The following CEP89 variants were observed in gnomAD, a reference collection of about 807,000 sequenced individuals.
CEP89 encodes centrosomal protein of 89 kDa.
CEP89 carries 95 observed loss-of-function variants against 97.6 expected under a neutral mutation model. That is an observed-to-expected ratio of 0.97 (90% confidence interval 0.82 to 1.15). The LOEUF (loss-of-function observed/expected upper bound fraction) is 1.15, where lower values mean the gene tolerates loss of function less well. Ranked by LOEUF, CEP89 falls within the 50% of genes most tolerant of loss-of-function variation. The pLI is 0.00. For synonymous variants in CEP89, 354 were observed against 349.1 expected (o/e 1.01, Z -0.16); for missense variants, 869 against 947.7 (o/e 0.92, Z 1.09).
chr19:32,941,305 C>A (rs1970681527), intron 5 of CEP89, among the ~76,000 whole-genome samples: 1 of 151,808 alleles, frequency 6.6e-6, no homozygotes. Context: ...GAGTTCAAGA[C>A]TAGCCTGGCC....
chr19:32,895,650 T>C (rs10417115), intron 16 of CEP89, among the ~76,000 whole-genome samples: 9,981 of 151,654 alleles, frequency 0.066, 385 homozygotes, highest in South Asian at 0.15. Context: ...ATAAAAGTCA[T>C]CCAAATTAGA....
At chr19:32,971,419 C>T in intron 1 of CEP89, 1 of 445,568 alleles carries the variant, frequency 2.2e-6, no homozygotes, top group Admixed American at 3.8e-5. Context: ...TGGCTCACGC[C>T]TGTGATACCA....
At chr19:32,900,886 G>GTTTTTTTT (rs757470989) in intron 15 of CEP89, among the ~76,000 whole-genome samples, 1 of 117,782 alleles carries the variant, frequency 8.5e-6, no homozygotes, top group African/African-American at 3.3e-5. Flanking sequence ...TTCTTCATTT[G>GTTTTTTTT]TCTTTTTTTT....
At chr19:32,925,485 CT>C (rs67751450) in intron 11 of CEP89, among the ~76,000 whole-genome samples, 4,775 of 120,102 alleles carry the variant, frequency 0.04, 77 homozygotes, top group African/African-American at 0.058. Flanking sequence ...CCAAATAGCC[CT>C]TTTTTTTTTT....
intron 2 of CEP89, among the ~76,000 whole-genome samples, chr19:32,963,181 C>G (rs1270450353): frequency 6.6e-6 from 1 of 152,094 alleles, no homozygotes; most frequent in Non-Finnish European, 1.5e-5. Context: ...CATGGCAAAA[C>G]CACATCTCTA....
chr19:32,918,121 CT>C, intron 13 of CEP89, 102 bp downstream of exon 13: 1 of 887,494 alleles, frequency 1.1e-6, no homozygotes, highest in Admixed American at 2.1e-5. Flanking sequence ...CAAAACATGA[CT>C]TCTCTCATTT....
At chr19:32,913,228 ATCTC>A (rs992466874) in intron 14 of CEP89, among the ~76,000 whole-genome samples, 4 of 149,500 alleles carry the variant, frequency 2.7e-5, no homozygotes, top group Non-Finnish European at 5.9e-5. Flanking sequence ...TATATACCAT[ATCTC>A]TCTCTCTTAC....
At chr19:32,954,085 C>T (rs1024064996) in intron 3 of CEP89, among the ~76,000 whole-genome samples, 1 of 151,722 alleles carries the variant, frequency 6.6e-6, no homozygotes, top group Non-Finnish European at 1.5e-5. Flanking sequence ...CTGTTAGCCA[C>T]GGTGGTCTCG....
intron 11 of CEP89, among the ~76,000 whole-genome samples, chr19:32,923,880 C>T (rs1168993390): frequency 6.6e-6 from 1 of 152,104 alleles, no homozygotes; most frequent in Non-Finnish European, 1.5e-5. Context: ...GACATTTTTC[C>T]TTTGTTTGAA....
At chr19:32,957,151 T>C (rs1484273692) in intron 3 of CEP89, among the ~76,000 whole-genome samples, 1 of 152,218 alleles carries the variant, frequency 6.6e-6, no homozygotes, top group African/African-American at 2.4e-5. Context: ...CTACTTTATC[T>C]ATATGTTTTA....
intron 12 of CEP89, among the ~76,000 whole-genome samples, chr19:32,921,688 G>T (rs1297228508): frequency 2.6e-5 from 4 of 152,210 alleles, no homozygotes; most frequent in Admixed American, 6.5e-5. Context: ...TTGAGCCCCA[G>T]CCTGGCTAAG....
intron 5 of CEP89, among the ~76,000 whole-genome samples, chr19:32,944,237 AG>A (rs68070995): frequency 0.35 from 47,110 of 134,038 alleles, 9,305 homozygotes; most frequent in Admixed American, 0.48. Flanking sequence ...AAAAAAAAAA[AG>A]ACTCTTCTTC....
intron 7 of CEP89, among the ~76,000 whole-genome samples, chr19:32,934,956 C>T (rs1970550197): frequency 6.6e-6 from 1 of 152,178 alleles, no homozygotes; most frequent in Non-Finnish European, 1.5e-5. Context: ...CTACAAAAAT[C>T]AATCAATAAA....
intron 16 of CEP89, among the ~76,000 whole-genome samples, chr19:32,897,947 A>G (rs368064782): frequency 1.9e-4 from 29 of 152,212 alleles, no homozygotes; most frequent in Admixed American, 5.2e-4. Context: ...GTAAATTAGT[A>G]CAGCCATTAT....
At position 32,957,446 on chromosome 19, in the gene CEP89, C is replaced by A. The variant is rs73579716; in HGVS notation, c.305+2454G>T. On this transcript the variant is annotated intron_variant, in intron 3 of 18. Coordinates refer to ENST00000305768, the MANE Select transcript of CEP89 (RefSeq NM_032816.5). ...CTTTGGGAGGCCAAGGAGAGAGGAT[C>A]TCTTGAAGCTAGAAGTTCAAGTCCA... Among the ~76,000 whole-genome samples the A allele has an allele frequency of 7.7e-3, 1,172 of 152,228 alleles. 19 individuals are homozygous for A. The highest frequency in any genetic ancestry group is 0.027 in the African/African-American group (1,118 of 41,524).
chr19:32,926,100 G>C (rs185017647), intron 11 of CEP89, 90 bp downstream of exon 11: 1 of 902,628 alleles, frequency 1.1e-6, no homozygotes, highest in East Asian at 2.4e-5. Flanking sequence ...AATATGCTGG[G>C]TATACCTACA....
intron 1 of CEP89, among the ~76,000 whole-genome samples, chr19:32,968,587 G>A (rs796477904): frequency 1.1e-4 from 16 of 152,134 alleles, no homozygotes; most frequent in African/African-American, 3.6e-4. Flanking sequence ...AAGGGCTGGC[G>A]TCCAGCAGGT....
At chr19:32,882,094 C>T (rs1459506351) in intron 17 of CEP89, 81 bp from the exon 18 acceptor site, 2 of 1,234,262 alleles carry the variant, frequency 1.6e-6, no homozygotes, top group Non-Finnish European at 2.3e-6. Flanking sequence ...GCTCCCTACC[C>T]ACTCCTTGTG....
At position 32,953,802 on chromosome 19, in the gene CEP89, C is replaced by A; in HGVS notation, c.306-1G>T. 1 of 1,609,852 alleles carries A rather than the reference C, an allele frequency of 6.2e-7. No homozygotes were observed. The highest frequency in any genetic ancestry group is 8.5e-7 in the Non-Finnish European group (1 of 1,176,654). ...TCCCATCTCACTCTGCCAATTTGGC[C>A]TGTATTAGAATATTCATGGGGAAAA... On this transcript the variant is annotated splice_acceptor_variant, in intron 3 of 18. Transcript: ENST00000305768. LOFTEE classifies it high-confidence loss of function.
Sources: gnomAD v4.1 joint callset for allele counts (sites outside exome capture counted in the v4.1 genomes callset) on GRCh38, gnomAD v4.1.1 for gene constraint, MANE v1.5 for transcripts, NCBI Gene and HGNC (gene_info 2026-07-23, HGNC 2026-07-21) for gene names.